The following OR1J2 variants were observed in gnomAD, a reference collection of about 807,000 sequenced individuals.
The protein encoded by OR1J2 is olfactory receptor 1J2.
For synonymous variants in OR1J2, 142 were observed against 99.7 expected, an observed-to-expected ratio of 1.42 and a Z score of -2.52; for missense variants, 304 against 246.1, an observed-to-expected ratio of 1.24 and a Z score of -1.57.
the OR1J2 span, among the ~76,000 whole-genome samples, chr9:122,468,903 A>G: frequency 3.9e-5 from 6 of 152,230 alleles, no homozygotes; most frequent in African/African-American, 1.2e-4. Context: ...GGACCTCTCC[A>G]TCAGATGAAA....
chr9:122,522,923 C>G, the OR1J2 span, among the ~76,000 whole-genome samples: 2 of 152,204 alleles, frequency 1.3e-5, no homozygotes, highest in African/African-American at 4.8e-5. Flanking sequence ...TACTGTGTGT[C>G]AGGCATTGTA....
At chr9:122,575,602 C>G in the OR1J2 span, among the ~76,000 whole-genome samples, 1 of 152,036 alleles carries the variant, frequency 6.6e-6, no homozygotes, top group Non-Finnish European at 1.5e-5. Flanking sequence ...TCATAGTCAG[C>G]ATGGTTAGAA....
At chr9:122,463,677 T>C in the OR1J2 span, among the ~76,000 whole-genome samples, 5 of 152,296 alleles carry the variant, frequency 3.3e-5, no homozygotes, top group African/African-American at 1.2e-4. Context: ...AGAGCCAAAC[T>C]GCAGTGACTG....
chr9:122,452,724 T>G, the OR1J2 span, among the ~76,000 whole-genome samples: 2 of 151,740 alleles, frequency 1.3e-5, no homozygotes, highest in Non-Finnish European at 2.9e-5. Flanking sequence ...CTCCTGAATT[T>G]GGTTGTTTAA....
chr9:122,543,956 G>A, the OR1J2 span, among the ~76,000 whole-genome samples: 6 of 152,158 alleles, frequency 3.9e-5, no homozygotes, highest in African/African-American at 1.2e-4. Flanking sequence ...AACTGGTACC[G>A]ATTTTGGTTA....
chr9:122,451,230 G>C, the OR1J2 span, among the ~76,000 whole-genome samples: 1 of 149,320 alleles, frequency 6.7e-6, no homozygotes, highest in South Asian at 2.1e-4. Flanking sequence ...TTGTTACCCA[G>C]GCTGGAGTGC....
At chr9:122,496,999 A>C in the OR1J2 span, among the ~76,000 whole-genome samples, 2 of 152,114 alleles carry the variant, frequency 1.3e-5, no homozygotes, top group African/African-American at 4.8e-5. Context: ...GCTCCCACGC[A>C]GCATGCATCC....
chr9:122,579,879 G>T, the OR1J2 span, among the ~76,000 whole-genome samples: 1 of 152,140 alleles, frequency 6.6e-6, no homozygotes, highest in Admixed American at 6.6e-5. Context: ...ACAGGCTCTA[G>T]GATGAGTCTC....
chr9:122,564,072 T>C, the OR1J2 span, among the ~76,000 whole-genome samples: 2 of 152,160 alleles, frequency 1.3e-5, no homozygotes, highest in African/African-American at 2.4e-5. Flanking sequence ...TAACTGTGCA[T>C]TGGGAAAAGG....
chr9:122,578,601 A>G, the OR1J2 span, among the ~76,000 whole-genome samples: 2 of 152,198 alleles, frequency 1.3e-5, no homozygotes, highest in Non-Finnish European at 2.9e-5. Context: ...ATATACATAT[A>G]CCATGGAATA....
chr9:122,481,085 C>T, the OR1J2 span, among the ~76,000 whole-genome samples: 1,420 of 152,250 alleles, frequency 9.3e-3, 16 homozygotes, highest in African/African-American at 0.033. Context: ...TGAGCCACTG[C>T]GCCCGGCCCC....
chr9:122,463,634 C>T, the OR1J2 span, among the ~76,000 whole-genome samples: 6 of 152,180 alleles, frequency 3.9e-5, no homozygotes, highest in African/African-American at 1.4e-4. Flanking sequence ...TGATGTGGTG[C>T]TCTCTCCTTT....
the OR1J2 span, chr9:122,477,487 C>A: frequency 6.2e-7 from 1 of 1,614,018 alleles, no homozygotes; most frequent in Non-Finnish European, 8.5e-7. Context: ...GACCCAGGAC[C>A]CAGCCACCAG....
chr9:122,511,085 A>G lies in OR1J2; in HGVS notation c.284A>G (p.Glu95Gly), dbSNP rs1828625158. Reference sequence around the variant, plus strand: ...ACTAAGTACAAATCGATCCTCTATGAGGAATGCATTTCTCAGATGTATTTT... The same window carrying G: ...ACTAAGTACAAATCGATCCTCTATGGGGAATGCATTTCTCAGATGTATTTT... ...MRTKYKSILY[E>G]ECISQMYFFI... Residue 95 changes from glutamate to glycine, a missense_variant, in exon 1 of 1, where the codon GAG (glutamate) becomes GGG (glycine). Coordinates refer to ENST00000335302, the MANE Select transcript of OR1J2 (RefSeq NM_054107.1). The G allele has an allele frequency of 8.6e-7, 1 of 1,165,996 alleles. No individual in the cohort carries two copies. The highest frequency in any genetic ancestry group is 1.5e-5 in the African/African-American group (1 of 65,180). The allele number at this position is 1,165,996 out of a possible 1,614,324, so 72.2% of individuals were successfully genotyped here.
chr9:122,545,003 T>C, the OR1J2 span, among the ~76,000 whole-genome samples: 2 of 152,202 alleles, frequency 1.3e-5, no homozygotes, highest in South Asian at 2.1e-4. Flanking sequence ...AGCACAACTT[T>C]AGCTGCGTTT....
chr9:122,478,514 T>C, the OR1J2 span, among the ~76,000 whole-genome samples: 1 of 152,328 alleles, frequency 6.6e-6, no homozygotes, highest in East Asian at 1.9e-4. Flanking sequence ...AGACCCCTAA[T>C]CTTTTTTTAA....
the OR1J2 span, among the ~76,000 whole-genome samples, chr9:122,495,382 T>A: frequency 3.3e-5 from 5 of 152,148 alleles, no homozygotes; most frequent in African/African-American, 7.2e-5. Context: ...GTTCATTTTT[T>A]AAAAATTATT....
chr9:122,454,545 G>C, the OR1J2 span, among the ~76,000 whole-genome samples: 15 of 152,004 alleles, frequency 9.9e-5, no homozygotes, highest in East Asian at 2.5e-3. Flanking sequence ...TTCCTTTCCA[G>C]GTATTATTTC....
the OR1J2 span, among the ~76,000 whole-genome samples, chr9:122,539,416 C>T: frequency 6.2e-4 from 95 of 152,174 alleles, 1 homozygote; most frequent in Admixed American, 4.7e-3. Flanking sequence ...TTTCCAGCTT[C>T]ACCCATGTCC....
Sources: allele counts gnomAD v4.1 joint callset (sites outside exome capture counted in the v4.1 genomes callset), GRCh38; gene constraint gnomAD v4.1.1; transcripts MANE v1.5; gene names NCBI Gene and HGNC (gene_info 2026-07-23, HGNC 2026-07-21).